The following PCDHA4 variants were observed in gnomAD, a reference collection of about 807,000 sequenced individuals.
The protein encoded by PCDHA4 is protocadherin alpha 4, also known as protocadherin alpha-4.
PCDHA4 carries 49 observed loss-of-function variants against 61.4 expected under a neutral mutation model. The ratio of observed to expected loss-of-function variants is 0.80; its 90% CI spans 0.63 to 1.01. PCDHA4 has a LOEUF of 1.01. Ranked by LOEUF, PCDHA4 falls within the 50% of genes least tolerant of loss-of-function variation. The probability of loss-of-function intolerance (pLI) is 0.00; values close to 1 mark genes in which losing one functional copy is unlikely to be tolerated. For missense variants in PCDHA4, 1,254 were observed against 1,235.8 expected (o/e 1.01, Z -0.22); for synonymous variants, 590 against 550.3 (o/e 1.07, Z -1.01).
intron 2 of PCDHA4, among the ~76,000 whole-genome samples, chr5:140,979,370 G>A (rs1247964519): frequency 6.6e-6 from 1 of 150,650 alleles, no homozygotes; most frequent in Non-Finnish European, 1.5e-5. Context: ...TGAGACTTGG[G>A]TACATTGTGC....
At chr5:140,822,968 C>A (rs2150120818) in intron 1 of PCDHA4, 1 of 1,614,232 alleles carries the variant, frequency 6.2e-7, no homozygotes, top group Non-Finnish European at 8.5e-7. Flanking sequence ...AAGCTGGTGT[C>A]CACCTTCAAG....
At chr5:140,970,884 A>G (rs1013057138) in intron 1 of PCDHA4, among the ~76,000 whole-genome samples, 1 of 152,218 alleles carries the variant, frequency 6.6e-6, no homozygotes, top group Admixed American at 6.5e-5. Context: ...GATTTTTCTC[A>G]TGGACATTTC....
chr5:140,869,962 A>C (rs1554163660), intron 1 of PCDHA4: 4 of 1,612,950 alleles, frequency 2.5e-6, no homozygotes, highest in Middle Eastern at 1.6e-4. Flanking sequence ...AATTAAGCCC[A>C]ATGGAAGACA....
intron 1 of PCDHA4, among the ~76,000 whole-genome samples, chr5:140,952,416 G>A (rs114343205): frequency 2.1e-3 from 324 of 151,824 alleles, no homozygotes; most frequent in African/African-American, 7.0e-3. Flanking sequence ...TTAATGTTCC[G>A]CAGATTCCTA....
intron 1 of PCDHA4, among the ~76,000 whole-genome samples, chr5:140,892,375 A>G (rs1032467069): frequency 1.3e-5 from 2 of 152,226 alleles, no homozygotes; most frequent in African/African-American, 4.8e-5. Flanking sequence ...GGCACTAGCA[A>G]TCATGGGTAA....
At chr5:140,831,279 C>T (rs1046790636) in intron 1 of PCDHA4, 1 of 152,150 alleles carries the variant, frequency 6.6e-6, no homozygotes, top group African/African-American at 2.4e-5. Flanking sequence ...TGATGGTCTT[C>T]TCTTCATGGA....
chr5:141,001,468 G>A (rs1375908420), intron 3 of PCDHA4, among the ~76,000 whole-genome samples: 1 of 152,226 alleles, frequency 6.6e-6, no homozygotes, highest in African/African-American at 2.4e-5. Context: ...GGACTAAGCA[G>A]CAGCGGGGAA....
At chr5:141,002,684 G>C (rs1432098268) in intron 3 of PCDHA4, among the ~76,000 whole-genome samples, 2 of 152,180 alleles carry the variant, frequency 1.3e-5, no homozygotes, top group Non-Finnish European at 2.9e-5. Context: ...TATACGACGT[G>C]CAGATTTGTT....
chr5:140,886,886 T>C (rs1554182794), intron 1 of PCDHA4, among the ~76,000 whole-genome samples: 1 of 151,610 alleles, frequency 6.6e-6, no homozygotes, highest in African/African-American at 2.4e-5. Flanking sequence ...CATTCATTAA[T>C]TAAATGCATT....
chr5:140,882,451 G>C, intron 1 of PCDHA4: 1 of 1,614,040 alleles, frequency 6.2e-7, no homozygotes. Flanking sequence ...AGCTGGTGCC[G>C]CGCCTGTTCC....
intron 1 of PCDHA4, among the ~76,000 whole-genome samples, chr5:140,949,684 C>T (rs116815984): frequency 0.023 from 3,563 of 151,738 alleles, 50 homozygotes; most frequent in Middle Eastern, 0.051. Context: ...CTTGTTGAAG[C>T]GTATTGTTGG....
chr5:140,908,816 G>T (rs1606122), intron 1 of PCDHA4, among the ~76,000 whole-genome samples: 42,837 of 152,040 alleles, frequency 0.28, 6,902 homozygotes, highest in East Asian at 0.53. Flanking sequence ...AGAGCCTTTT[G>T]GGTTACTCGA....
chr5:140,952,913 A>G (rs1013502361), intron 1 of PCDHA4, among the ~76,000 whole-genome samples: 6 of 152,092 alleles, frequency 3.9e-5, no homozygotes, highest in African/African-American at 1.4e-4. Flanking sequence ...CTCATCTTAC[A>G]TGGCATGAGC....
At chr5:140,870,962 C>T (rs1489353896) in intron 1 of PCDHA4, 3 of 1,613,532 alleles carry the variant, frequency 1.9e-6, no homozygotes, top group Admixed American at 1.7e-5. Context: ...TCGCGCATCC[C>T]GTTCCGCGTG....
Position 140,829,519 on chromosome 5 carries a change from G to T in PCDHA4, c.2385+19947G>T, listed in dbSNP as rs140453889. 8.6e-4 allele frequency: 1,385 copies of T among 1,613,420 alleles called. 16 individuals carry two copies. The African/African-American group carries it at 0.017, about 19-fold the overall frequency. Reference sequence around the variant, plus strand: ...ACCCGCCGGGCTGCCACATCTTCACGGTGTCTGCGCGAGACGCGGACGCGC... The same window carrying T: ...ACCCGCCGGGCTGCCACATCTTCACTGTGTCTGCGCGAGACGCGGACGCGC... On this transcript the variant is annotated intron_variant, in intron 1 of 3. Transcript: ENST00000530339.
intron 1 of PCDHA4, among the ~76,000 whole-genome samples, chr5:140,914,575 A>G (rs2076765762): frequency 2.0e-5 from 3 of 152,018 alleles, no homozygotes; most frequent in African/African-American, 7.2e-5. Context: ...TTTACATTCA[A>G]TAATTTCATT....
At chr5:140,918,279 G>A (rs1554198513) in intron 1 of PCDHA4, among the ~76,000 whole-genome samples, 1 of 152,078 alleles carries the variant, frequency 6.6e-6, no homozygotes, top group African/African-American at 2.4e-5. Context: ...TCAGATGTAG[G>A]AGCTTTTTGG....
intron 1 of PCDHA4, chr5:140,867,456 T>C (rs1035822606): frequency 1.3e-5 from 2 of 152,154 alleles, no homozygotes; most frequent in African/African-American, 4.8e-5. Context: ...AGAGTTCTAG[T>C]GTTATGACAA....
chr5:140,822,328 G>A, intron 1 of PCDHA4: 4 of 1,614,170 alleles, frequency 2.5e-6, no homozygotes, highest in Non-Finnish European at 3.4e-6. Context: ...TAAAACAAAT[G>A]AAGAAGAAAC....
Sources: allele counts gnomAD v4.1 joint callset (sites outside exome capture counted in the v4.1 genomes callset), GRCh38; gene constraint gnomAD v4.1.1; transcripts MANE v1.5; gene names NCBI Gene and HGNC (gene_info 2026-07-23, HGNC 2026-07-21).